The following ANKRD13A variants were observed in gnomAD, a reference collection of about 807,000 sequenced individuals.
ANKRD13A encodes the protein ankyrin repeat domain-containing protein 13A.
Under a neutral mutation model 81.3 loss-of-function variants are expected in ANKRD13A, and 48 were observed. The ratio of observed to expected loss-of-function variants is 0.59; its 90% CI spans 0.47 to 0.75. The LOEUF is 0.75. Ranked by LOEUF, ANKRD13A falls within the 30% of genes least tolerant of loss-of-function variation. ANKRD13A has a pLI of 0.00. For missense variants in ANKRD13A, 612 were observed against 734.0 expected (o/e 0.83, Z 1.92); for synonymous variants, 230 against 270.1 (o/e 0.85, Z 1.45).
chr12:110,008,043 T>C (rs1331509961), intron 1 of ANKRD13A, among the ~76,000 whole-genome samples: 1 of 152,238 alleles, frequency 6.6e-6, no homozygotes, highest in Non-Finnish European at 1.5e-5. Flanking sequence ...TGACTAGATA[T>C]GGTGAAAGAG....
intron 1 of ANKRD13A, among the ~76,000 whole-genome samples, chr12:110,003,092 G>C (rs1890064423): frequency 6.6e-6 from 1 of 152,196 alleles, no homozygotes; most frequent in Admixed American, 6.5e-5. Context: ...AAAGAAGTCT[G>C]TTAAACTTCT....
Position 109,999,563 on chromosome 12 carries a change from C to A in ANKRD13A, c.-126C>A. The A allele has an allele frequency of 1.5e-6, 1 of 668,638 alleles. No homozygotes were observed. Among genetic ancestry groups the A allele is most frequent in the Non-Finnish European group, 2.1e-6 (1 of 469,312 alleles). 41.4% of individuals were successfully genotyped at this position (668,638 alleles called of 1,614,324 possible). ...CCCCGCACCCGACCGGCTCAGCCGG[C>A]CGGCAGCGTAACACGCCCTACGCTC... On this transcript the variant is annotated 5_prime_UTR_variant, in exon 1 of 15. Transcript: ENST00000261739. This position sits in a 1 kb window ranked among gnomAD's most constrained non-coding sequence, Gnocchi z 4.3.
chr12:110,024,184 A>C, intron 7 of ANKRD13A, 72 bp downstream of exon 7: 1 of 1,351,372 alleles, frequency 7.4e-7, no homozygotes. Flanking sequence ...ATCTGTTCCC[A>C]TTTTTTTCAT....
intron 7 of ANKRD13A, among the ~76,000 whole-genome samples, chr12:110,025,128 G>C (rs1891251705): frequency 6.6e-6 from 1 of 152,198 alleles, no homozygotes; most frequent in African/African-American, 2.4e-5. Context: ...GGCCCAAGTA[G>C]GCAGATCACT....
At chr12:110,026,337 G>T (rs1166929983) in intron 8 of ANKRD13A, among the ~76,000 whole-genome samples, 1 of 151,404 alleles carries the variant, frequency 6.6e-6, no homozygotes, top group East Asian at 2.0e-4. Context: ...ACTTTGGGAG[G>T]CCAATGTGGG....
At chr12:110,026,858 G>A (rs927708332) in intron 8 of ANKRD13A, among the ~76,000 whole-genome samples, 7 of 152,054 alleles carry the variant, frequency 4.6e-5, no homozygotes, top group Admixed American at 4.6e-4. Flanking sequence ...CTCCAGCCTG[G>A]GTGACAGAGC....
intron 6 of ANKRD13A, chr12:110,021,224 G>A (rs772426699): frequency 3.7e-4 from 165 of 445,142 alleles, no homozygotes; most frequent in Non-Finnish European, 3.1e-4. Context: ...TGTGCTTGTC[G>A]TGCATTGAGC....
chr12:110,016,524 A>ATT, intron 4 of ANKRD13A, 91 bp downstream of exon 4: 2 of 1,240,884 alleles, frequency 1.6e-6, no homozygotes, highest in South Asian at 1.7e-5. Context: ...AGTTACATGT[A>ATT]TTTTTTTTTA....
intron 9 of ANKRD13A, chr12:110,028,017 G>A (rs1397628906): frequency 2.1e-6 from 1 of 481,794 alleles, no homozygotes; most frequent in East Asian, 3.5e-5. Context: ...TATAAACGAG[G>A]GGCCTCTTTA....
chr12:110,032,439 C>A (rs1891746690), intron 12 of ANKRD13A: 1 of 151,992 alleles, frequency 6.6e-6, no homozygotes, highest in African/African-American at 2.4e-5. Context: ...CTTTACATTC[C>A]CATGTAGCAA....
At position 110,037,388 on chromosome 12, in the gene ANKRD13A, CAGA is replaced by C; in HGVS notation, c.1610_1612del (p.Glu537del). On this transcript the variant is annotated inframe_deletion, in exon 15 of 15. Transcript: ENST00000261739. Reference sequence around the variant, plus strand: ...ATCCAGGAGAGCCTCCTCACCAGCACAGAAGGCCTGTGCCCCAGCGCCCTGAGC... The same window carrying C: ...ATCCAGGAGAGCCTCCTCACCAGCACAGGCCTGTGCCCCAGCGCCCTGAGC... 1 of 1,614,226 alleles carries C rather than the reference CAGA, an allele frequency of 6.2e-7. No homozygotes were observed. The highest frequency in any genetic ancestry group is 8.5e-7 in the Non-Finnish European group (1 of 1,180,034).
rs199565526 is a variant in ANKRD13A at position 110,037,416 on chromosome 12, C to T, written c.1635C>T (p.Ser545=). The T allele has an allele frequency of 9.4e-4, 1,523 of 1,614,160 alleles. 27 individuals are homozygous for T. The South Asian group carries it at 0.015, about 16-fold the overall frequency. The change falls in exon 15 of 15, where the codon AGC becomes AGT. Residue 545 remains serine, a synonymous_variant. Transcript: ENST00000261739. The part of the protein sequence containing the change: ...STEGLCPSAL[S]ETSRFDNDLQ... Reference sequence around the variant, plus strand: ...AAGGCCTGTGCCCCAGCGCCCTGAGCGAGACAAGCCGTTTTGATAATGACT... The same window carrying T: ...AAGGCCTGTGCCCCAGCGCCCTGAGTGAGACAAGCCGTTTTGATAATGACT...
Position 110,039,048 on chromosome 12 carries a change from T to C in ANKRD13A, c.*1494T>C, listed in dbSNP as rs919087565. Reference sequence around the variant, plus strand: ...AGATACAAAGAATTGTGCTTTTAATTCCATTTCACAATCTGTTTTGTTTTT... The same window carrying C: ...AGATACAAAGAATTGTGCTTTTAATCCCATTTCACAATCTGTTTTGTTTTT... On this transcript the variant is annotated 3_prime_UTR_variant, in exon 15 of 15. Coordinates refer to ENST00000261739, the MANE Select transcript of ANKRD13A (RefSeq NM_033121.2). The C allele has an allele frequency of 1.3e-5, 2 of 151,524 alleles. No homozygotes were observed. Among genetic ancestry groups the C allele is most frequent in the Non-Finnish European group, 1.5e-5 (1 of 67,974 alleles). The allele number at this position is 151,524 out of a possible 1,614,324, so 9.4% of individuals were successfully genotyped here.
At position 110,027,828 on chromosome 12, in the gene ANKRD13A, G is replaced by A. The variant is rs1421630411; in HGVS notation, c.945+62G>A. 3.8e-6 allele frequency: 6 copies of A among 1,564,438 alleles called. No individual in the cohort carries two copies. The African/African-American group carries it at 8.1e-5, about 21-fold the overall frequency. Reference sequence around the variant, plus strand: ...GAAAGGAAACAACTTGTCTGTGTCTGGGATGGCATTTACTGGATCCTGAAC... The same window carrying A: ...GAAAGGAAACAACTTGTCTGTGTCTAGGATGGCATTTACTGGATCCTGAAC... On this transcript the variant is annotated intron_variant, in intron 9 of 14. Transcript: ENST00000261739.
intron 1 of ANKRD13A, among the ~76,000 whole-genome samples, chr12:110,000,686 C>G (rs376789342): frequency 6.6e-6 from 1 of 151,682 alleles, no homozygotes; most frequent in Non-Finnish European, 1.5e-5. Context: ...CCCCCCGCAA[C>G]TAAGACTTCT....
chr12:110,037,213 C>T (rs938276890), intron 14 of ANKRD13A, 146 bp from the exon 15 acceptor site: 58 of 812,436 alleles, frequency 7.1e-5, no homozygotes, highest in African/African-American at 1.4e-4. Context: ...ACACCTACAC[C>T]GCCAGTTATG....
Position 110,012,030 on chromosome 12 carries a change from G to T in ANKRD13A, c.122G>T (p.Gly41Val), listed in dbSNP as rs775458531. 3 of 1,610,342 alleles carry T rather than the reference G, an allele frequency of 1.9e-6. No individual in the cohort carries two copies. Among genetic ancestry groups the T allele is most frequent in the Middle Eastern group, 1.7e-4 (1 of 6,046 alleles). ...GQNVEAVDPR[G>V]RTLLHLAVSL... ...AATGTGGAGGCTGTGGACCCACGAGGTCGAACATTATTGCATCTTGCTGTT... is the reference window on the plus strand; with the variant it reads ...AATGTGGAGGCTGTGGACCCACGAGTTCGAACATTATTGCATCTTGCTGTT... Residue 41 changes from glycine to valine, a missense_variant, in exon 2 of 15, where the codon GGT (glycine) becomes GTT (valine). Transcript: ENST00000261739.
Position 110,036,476 on chromosome 12 carries a change from G to A in ANKRD13A, c.1577+148G>A, listed in dbSNP as rs1892055975. ...AAAGACTAGAAAAAGTAGGCCAGGA[G>A]CGGTGGCTCACGCCTATAATCCCAG... is the stretch of plus-strand genomic sequence containing the variant. On this transcript the variant is annotated intron_variant, in intron 14 of 14. Coordinates refer to ENST00000261739, the MANE Select transcript of ANKRD13A (RefSeq NM_033121.2). The surrounding 1 kb of genome is among the most constrained non-coding windows in gnomAD (Gnocchi z 4.6). 2.3e-6 allele frequency: 2 copies of A among 876,118 alleles called. No individual in the cohort carries two copies. The highest frequency in any genetic ancestry group is 2.0e-5 in the Admixed American group (1 of 49,590). The allele number at this position is 876,118 out of a possible 1,614,324, so 54.3% of individuals were successfully genotyped here. A position where few individuals can be genotyped will look rare whatever the true frequency, so the allele number is the denominator to read the frequency against.
At chr12:110,012,918 C>T (rs1050780468) in intron 2 of ANKRD13A, among the ~76,000 whole-genome samples, 5 of 152,016 alleles carry the variant, frequency 3.3e-5, no homozygotes, top group African/African-American at 7.3e-5. Context: ...GAGAGGTGGA[C>T]GGGGTTTGAT....
Sources: allele counts gnomAD v4.1 joint callset (sites outside exome capture counted in the v4.1 genomes callset), GRCh38; gene constraint gnomAD v4.1.1; non-coding constraint Gnocchi (gnomAD v3.1); transcripts MANE v1.5; gene names NCBI Gene and HGNC (gene_info 2026-07-23, HGNC 2026-07-21).